The following ADRA1A variants were observed in gnomAD, a reference collection of about 807,000 sequenced individuals.
ADRA1A encodes alpha-1A adrenergic receptor.
Under a neutral mutation model 29.6 loss-of-function variants are expected in ADRA1A, and 31 were observed. The observed-to-expected ratio is 1.05, with a 90% CI of 0.79 to 1.41. The LOEUF (loss-of-function observed/expected upper bound fraction) is 1.41, where lower values mean the gene tolerates loss of function less well. Ranked by LOEUF, ADRA1A falls within the 40% of genes most tolerant of loss-of-function variation. The pLI is 0.00. For synonymous variants in ADRA1A, 311 were observed against 254.3 expected (o/e 1.22, Z -2.12); for missense variants, 619 against 601.1 (o/e 1.03, Z -0.31).
At chr8:26,859,258 G>GA in intron 2 of ADRA1A, 1 of 1,147,290 alleles carries the variant, frequency 8.7e-7, no homozygotes, top group Non-Finnish European at 1.1e-6. Flanking sequence ...CATTTTGCAT[G>GA]AAAAACATAC....
intron 2 of ADRA1A, among the ~76,000 whole-genome samples, chr8:26,758,899 A>G (rs1488975836): frequency 6.6e-6 from 1 of 151,722 alleles, no homozygotes; most frequent in African/African-American, 2.4e-5. Context: ...CTCTGGGAAA[A>G]TTTTTTTTTG....
chr8:26,866,962 C>G lies in ADRA1A; in HGVS notation c.-713G>C, dbSNP rs936583775. On this transcript the variant is annotated 5_prime_UTR_variant, in exon 1 of 3. Coordinates refer to ENST00000380573, the MANE Select transcript of ADRA1A (RefSeq NM_000680.4). The surrounding 1 kb of genome is among the most constrained non-coding windows in gnomAD (Gnocchi z 5.7). ...TGAAGCGCCGCTGCTGAGCCACCAGCTCGCGCGCGGGGGATGTGGACCCGG... is the reference window on the plus strand; with the variant it reads ...TGAAGCGCCGCTGCTGAGCCACCAGGTCGCGCGCGGGGGATGTGGACCCGG... 2.0e-6 allele frequency: 2 copies of G among 985,290 alleles called. No homozygotes were observed. The highest frequency in any genetic ancestry group is 2.4e-6 in the Non-Finnish European group (2 of 829,848). The allele number at this position is 985,290 out of a possible 1,614,324, so 61.0% of individuals were successfully genotyped here.
intron 2 of ADRA1A, among the ~76,000 whole-genome samples, chr8:26,772,481 A>C (rs879311014): frequency 6.6e-6 from 1 of 152,210 alleles, no homozygotes; most frequent in South Asian, 2.1e-4. Flanking sequence ...TACAGTTGGT[A>C]GAATGGCTTT....
intron 2 of ADRA1A, among the ~76,000 whole-genome samples, chr8:26,844,058 G>C (rs1386968038): frequency 6.6e-6 from 1 of 152,118 alleles, no homozygotes; most frequent in African/African-American, 2.4e-5. Flanking sequence ...AAAAACTTTG[G>C]TATTAGATGT....
rs1272181275 is a variant in ADRA1A, at chr8:26,864,618, A to C, written c.352T>G (p.Cys118Gly). 1 of 1,614,170 alleles carries C rather than the reference A, an allele frequency of 6.2e-7. No individual in the cohort carries two copies. Among genetic ancestry groups the C allele is most frequent in the East Asian group, 2.2e-5 (1 of 44,868 alleles). Residue 118 changes from cysteine (C) to glycine (G), a missense_variant, in exon 2 of 3, where the codon TGC (cysteine) becomes GGC (glycine). Physicochemically the swap from Cys to Gly is radical, Grantham distance 159 (BLOSUM62 -3). Coordinates refer to ENST00000380573, the MANE Select transcript of ADRA1A (RefSeq NM_000680.4). The surrounding 1 kb of genome is among the most constrained non-coding windows in gnomAD (Gnocchi z 8.1). ...ATGTAGCGGTCGATGGAGATGATGC[A>C]GAGGCCCATGATGGACGCGGTGCAG... ...LCCTASIMGL[C>G]IISIDRYIGV...
In ADRA1A at chr8:26,865,315, A is replaced by G; in HGVS notation, c.-346T>C. 3.6e-6 allele frequency: 4 copies of G among 1,118,892 alleles called. No homozygotes were observed. The highest frequency in any genetic ancestry group is 4.4e-6 in the Non-Finnish European group (4 of 914,908). 69.3% of individuals were successfully genotyped at this position (1,118,892 alleles called of 1,614,324 possible). On this transcript the variant is annotated 5_prime_UTR_variant, in exon 2 of 3. Coordinates refer to ENST00000380573, the MANE Select transcript of ADRA1A (RefSeq NM_000680.4). The surrounding 1 kb of genome is among the most constrained non-coding windows in gnomAD (Gnocchi z 7.6). The stretch of plus-strand genomic sequence containing the variant: ...ATCCAGGAGACTCCTTGCAACATGC[A>G]ATTCCAGAATTACGAGAATCTGCTT...
At position 26,821,118 on chromosome 8, in the gene ADRA1A, G is replaced by A. The variant is rs1219551260; in HGVS notation, c.883+42969C>T. 6.6e-6 allele frequency among the ~76,000 whole-genome samples: 1 copy of A among 152,120 alleles called. No homozygotes were observed. Among genetic ancestry groups the A allele is most frequent in the Admixed American group, 6.5e-5 (1 of 15,286 alleles). On this transcript the variant is annotated intron_variant, in intron 2 of 2. Coordinates refer to ENST00000380573, the MANE Select transcript of ADRA1A (RefSeq NM_000680.4). This position sits in a 1 kb window ranked among gnomAD's most constrained non-coding sequence, Gnocchi z 5.6. ...GTTAGCCAGGTGGTCTCAAACTCCT[G>A]ACCTCAGGTGATCCACCCACCTTGG...
chr8:26,799,021 A>T (rs1410500248), intron 2 of ADRA1A, among the ~76,000 whole-genome samples: 1 of 152,210 alleles, frequency 6.6e-6, no homozygotes, highest in East Asian at 1.9e-4. Flanking sequence ...GCAAGTTTCA[A>T]TAATGGATGT....
At chr8:26,772,375 A>G (rs1195824360) in intron 2 of ADRA1A, among the ~76,000 whole-genome samples, 1 of 152,184 alleles carries the variant, frequency 6.6e-6, no homozygotes, top group Admixed American at 6.5e-5. Flanking sequence ...AGAAATTGCA[A>G]AATAACATCT....
chr8:26,770,028 A>G lies in ADRA1A; in HGVS notation c.*121T>C. The G allele has an allele frequency of 2.0e-6, 3 of 1,478,422 alleles. No homozygotes were observed. Among genetic ancestry groups the G allele is most frequent in the Non-Finnish European group, 2.7e-6 (3 of 1,117,974 alleles). The allele number at this position is 1,478,422 out of a possible 1,614,324, so 91.6% of individuals were successfully genotyped here. ...ATGAGTTGGGTCTACCACCCACCCC[A>G]TTCCCAGCAGGTCCCCTCTTTGATT... On this transcript the variant is annotated 3_prime_UTR_variant, in exon 3 of 3. Coordinates refer to ENST00000380573, the MANE Select transcript of ADRA1A (RefSeq NM_000680.4).
chr8:26,849,324 C>G (rs1396311394), intron 2 of ADRA1A, among the ~76,000 whole-genome samples: 1 of 152,160 alleles, frequency 6.6e-6, no homozygotes, highest in Non-Finnish European at 1.5e-5. Context: ...AAAGGTAAAT[C>G]TCAATGCTTA....
At chr8:26,791,841 T>A (rs1271808376) in intron 2 of ADRA1A, among the ~76,000 whole-genome samples, 1 of 152,188 alleles carries the variant, frequency 6.6e-6, no homozygotes, top group African/African-American at 2.4e-5. Flanking sequence ...TCAGTGAGGC[T>A]GGGTGCCACA....
chr8:26,833,842 A>G (rs901459822), intron 2 of ADRA1A, among the ~76,000 whole-genome samples: 4 of 152,222 alleles, frequency 2.6e-5, no homozygotes, highest in African/African-American at 9.6e-5. Flanking sequence ...CATGAAAAGA[A>G]AGCCTTTTAT....
At chr8:26,811,290 T>G (rs1454742541) in intron 2 of ADRA1A, among the ~76,000 whole-genome samples, 1 of 151,902 alleles carries the variant, frequency 6.6e-6, no homozygotes, top group Admixed American at 6.6e-5. Context: ...CCTTCCAGGC[T>G]CACGCCATTC....
Position 26,770,676 on chromosome 8 carries a change from AAC to A in ADRA1A, c.884-12_884-11del. 6 of 1,603,424 alleles carry A rather than the reference AAC, an allele frequency of 3.7e-6. No homozygotes were observed. Among genetic ancestry groups the A allele is most frequent in the Non-Finnish European group, 5.1e-6 (6 of 1,175,550 alleles). The stretch of plus-strand genomic sequence containing the variant: ...TCAGGGAAGAAAGACCCTGGAAGAA[AAC>A]ACACAGATTTATACATATTATTTGA... On this transcript the variant is annotated splice_polypyrimidine_tract_variant and intron_variant, in intron 2 of 2. Coordinates refer to ENST00000380573, the MANE Select transcript of ADRA1A (RefSeq NM_000680.4).
chr8:26,765,731 T>C (rs999342303), downstream of ADRA1A: 2 of 1,005,372 alleles, frequency 2.0e-6, no homozygotes, highest in African/African-American at 3.4e-5. Context: ...GAGCTCTTTC[T>C]TTAATTAAGT....
At chr8:26,809,202 T>G (rs1030760470) in intron 2 of ADRA1A, among the ~76,000 whole-genome samples, 1 of 152,230 alleles carries the variant, frequency 6.6e-6, no homozygotes, top group Non-Finnish European at 1.5e-5. Flanking sequence ...CAAAGCTAAT[T>G]TGAACTATTG....
intron 2 of ADRA1A, among the ~76,000 whole-genome samples, chr8:26,833,589 A>T (rs1396949239): frequency 6.6e-6 from 1 of 152,258 alleles, no homozygotes; most frequent in Non-Finnish European, 1.5e-5. Flanking sequence ...AGAGCAATTA[A>T]GCTGCTGTAA....
At position 26,866,810 on chromosome 8, in the gene ADRA1A, C is replaced by G; in HGVS notation, c.-687+126G>C. On this transcript the variant is annotated intron_variant, in intron 1 of 2. Coordinates refer to ENST00000380573, the MANE Select transcript of ADRA1A (RefSeq NM_000680.4). The surrounding 1 kb of genome is among the most constrained non-coding windows in gnomAD (Gnocchi z 5.7). ...GGAATCGGGGGTGGGGTAGAGGGGC[C>G]GGTATAAAACCTGGTGGAAAAAGCG... The G allele has an allele frequency of 1.1e-6, 1 of 930,870 alleles. No individual in the cohort carries two copies. The highest frequency in any genetic ancestry group is 1.2e-4 in the East Asian group (1 of 8,570). The allele number at this position is 930,870 out of a possible 1,614,324, so 57.7% of individuals were successfully genotyped here.
Sources: allele counts gnomAD v4.1 joint callset (sites outside exome capture counted in the v4.1 genomes callset), GRCh38; gene constraint gnomAD v4.1.1; non-coding constraint Gnocchi (gnomAD v3.1); transcripts MANE v1.5; gene names NCBI Gene and HGNC (gene_info 2026-07-23, HGNC 2026-07-21).